The following ZNF283 variants were observed in gnomAD, a reference collection of about 807,000 sequenced individuals.
ZNF283 encodes the protein zinc finger protein 283.
ZNF283 carries 10 observed loss-of-function variants against 9.2 expected under a neutral mutation model. The observed-to-expected ratio is 1.09, with a 90% CI of 0.67 to 1.85. ZNF283 has a LOEUF of 1.85. Ranked by LOEUF, ZNF283 falls within the 40% of genes most tolerant of loss-of-function variation. The pLI, the probability that ZNF283 is intolerant of heterozygous loss-of-function variation, is 0.00. For missense variants in ZNF283, 631 were observed against 760.1 expected, an observed-to-expected ratio of 0.83 and a Z score of 2.00; for synonymous variants, 234 against 244.1, an observed-to-expected ratio of 0.96 and a Z score of 0.38.
chr19:43,836,944 G>C (rs543906771), intron 5 of ZNF283, 109 bp from the exon 6 acceptor site: 8 of 1,233,642 alleles, frequency 6.5e-6, no homozygotes, highest in Non-Finnish European at 9.2e-6. Context: ...CAGCCTACTC[G>C]ATTGTTATAT....
chr19:43,845,084 C>T (rs757921566), intron 6 of ZNF283, among the ~76,000 whole-genome samples: 1 of 152,128 alleles, frequency 6.6e-6, no homozygotes, highest in Non-Finnish European at 1.5e-5. Flanking sequence ...TACATCTTCT[C>T]CAACTTGACA....
intron 6 of ZNF283, among the ~76,000 whole-genome samples, chr19:43,843,218 G>A (rs1010514986): frequency 6.6e-6 from 1 of 152,198 alleles, no homozygotes; most frequent in African/African-American, 2.4e-5. Flanking sequence ...GCACGCGCCT[G>A]TAGTCCCAGC....
At chr19:43,846,037 C>G (rs349040) in intron 6 of ZNF283, among the ~76,000 whole-genome samples, 1 of 151,864 alleles carries the variant, frequency 6.6e-6, no homozygotes, top group Non-Finnish European at 1.5e-5. Context: ...AAAAATAACT[C>G]AAAATATTTG....
rs17712224 is a variant in ZNF283 at position 43,827,442 on chromosome 19, A to G, written c.-147A>G. On this transcript the variant is annotated splice_region_variant and 5_prime_UTR_variant, in exon 1 of 7. An upstream start codon of the reference 5' UTR is lost. Coordinates refer to ENST00000618787, the MANE Select transcript of ZNF283 (RefSeq NM_181845.2). ...TGTCCTTAAGGTTCTTGGACTCTGC[A>G]TGGTGAGTTGGTCGTGTCTGTAGAA... 2.0e-5 allele frequency: 3 copies of G among 151,326 alleles called. No homozygotes were observed. Among genetic ancestry groups the G allele is most frequent in the Non-Finnish European group, 2.9e-5 (2 of 67,890 alleles). 9.4% of individuals were successfully genotyped at this position (151,326 alleles called of 1,614,324 possible).
chr19:43,848,454 A>G lies in ZNF283; in HGVS notation c.1853A>G (p.Gln618Arg). The change falls in exon 7 of 7, where the codon CAG (glutamine) becomes CGG (arginine). Residue 618 changes from glutamine to arginine, a missense_variant. By Grantham distance (43) the Gln-to-Arg change is conservative. This residue lies in a region of ZNF283 where 444 missense variants were observed against 522.5 expected (regional missense o/e 0.85). Transcript: ENST00000618787. ...FGSGYQLSVH[Q>R]RFHTGEKLYQ... ...AGTGGCTATCAACTTAGTGTTCATC[A>G]GAGATTTCATACTGGTGAGAAGCTT... The G allele has an allele frequency of 6.2e-7, 1 of 1,613,894 alleles. No individual in the cohort carries two copies. Among genetic ancestry groups the G allele is most frequent in the Non-Finnish European group, 8.5e-7 (1 of 1,179,782 alleles).
chr19:43,846,183 A>G (rs930599010), intron 6 of ZNF283, among the ~76,000 whole-genome samples: 3 of 152,164 alleles, frequency 2.0e-5, no homozygotes, highest in African/African-American at 7.2e-5. Context: ...TAGCAATACA[A>G]TTACTGTTGA....
At chr19:43,829,313 C>A (rs556402074) in intron 2 of ZNF283, among the ~76,000 whole-genome samples, 2 of 151,912 alleles carry the variant, frequency 1.3e-5, no homozygotes, top group African/African-American at 2.4e-5. Context: ...TGAACCCGGG[C>A]GGTGGAGGTT....
intron 6 of ZNF283, among the ~76,000 whole-genome samples, chr19:43,838,545 C>T (rs1373760679): frequency 6.6e-6 from 1 of 152,232 alleles, no homozygotes; most frequent in East Asian, 1.9e-4. Flanking sequence ...GGCTGGATTG[C>T]TTGAACCTAA....
At chr19:43,829,980 G>A (rs948509923) in intron 2 of ZNF283, among the ~76,000 whole-genome samples, 3 of 151,924 alleles carry the variant, frequency 2.0e-5, no homozygotes, top group South Asian at 2.1e-4. Flanking sequence ...CCGAGATCGC[G>A]CCACTGCACT....
At chr19:43,834,231 A>AAAAGTAG (rs1359190092) in intron 4 of ZNF283, among the ~76,000 whole-genome samples, 1 of 152,210 alleles carries the variant, frequency 6.6e-6, no homozygotes, top group African/African-American at 2.4e-5. Flanking sequence ...TCAAGATAAG[A>AAAAGTAG]AAAGTAGAAT....
At position 43,847,759 on chromosome 19, in the gene ZNF283, G is replaced by C; in HGVS notation, c.1158G>C (p.Trp386Cys). ...ECKICGKAFC[W>C]GYQLTRHQIF... is the part of the protein sequence containing the mutation. ...AAATATGTGGAAAGGCTTTTTGTTG[G>C]GGCTATCAACTTACTCGACATCAGA... Residue 386 changes from tryptophan to cysteine, a missense_variant, in exon 7 of 7, where the codon TGG (tryptophan) becomes TGC (cysteine). By Grantham distance (215) the Trp-to-Cys change is radical. Around this residue, in one of 3 missense-constraint regions of ZNF283, gnomAD observed 444 missense variants for 522.5 expected, o/e 0.85. Transcript: ENST00000618787. The C allele has an allele frequency of 6.2e-7, 1 of 1,611,820 alleles. No individual in the cohort carries two copies.
intron 6 of ZNF283, among the ~76,000 whole-genome samples, chr19:43,845,937 G>A (rs1348401679): frequency 1.3e-5 from 2 of 152,084 alleles, no homozygotes; most frequent in Non-Finnish European, 2.9e-5. Flanking sequence ...AAGATGATGT[G>A]TGTATCACAT....
intron 6 of ZNF283, chr19:43,837,487 A>C (rs926484283): frequency 2.0e-5 from 8 of 394,686 alleles, no homozygotes; most frequent in Non-Finnish European, 1.3e-5. Flanking sequence ...CAGATTTCAT[A>C]AATTCTGCAA....
rs984641116 is a variant in ZNF283 at position 43,848,747 on chromosome 19, A to G, written c.*106A>G. 1 of 1,169,528 alleles carries G rather than the reference A, an allele frequency of 8.6e-7. No individual in the cohort carries two copies. Among genetic ancestry groups the G allele is most frequent in the East Asian group, 2.4e-5 (1 of 41,448 alleles). 72.4% of individuals were successfully genotyped at this position (1,169,528 alleles called of 1,614,324 possible). A position where few individuals can be genotyped will look rare whatever the true frequency, so the allele number is the denominator to read the frequency against. On this transcript the variant is annotated 3_prime_UTR_variant, in exon 7 of 7. Transcript: ENST00000618787. ...TGAATGTAAGGGTTGTGCAAAAGCCATTCATTTCTGTTTATGGGCAATTAT... is the reference window on the plus strand; with the variant it reads ...TGAATGTAAGGGTTGTGCAAAAGCCGTTCATTTCTGTTTATGGGCAATTAT...
rs1031050829 is a variant in ZNF283 at position 43,848,172 on chromosome 19, T to C, written c.1571T>C (p.Phe524Ser). ...PYECKECGKA[F>S]NCGSSLVQHE... ...GAATGTAAGGAATGTGGGAAGGCTT[T>C]TAATTGTGGATCAAGCCTTGTTCAA... The change falls in exon 7 of 7, where the codon TTT (phenylalanine) becomes TCT (serine). Residue 524 changes from phenylalanine (F) to serine (S), a missense_variant. Around this residue, in one of 3 missense-constraint regions of ZNF283, gnomAD observed 444 missense variants for 522.5 expected, o/e 0.85. Coordinates refer to ENST00000618787, the MANE Select transcript of ZNF283 (RefSeq NM_181845.2). 2 of 1,613,872 alleles carry C rather than the reference T, an allele frequency of 1.2e-6. No individual in the cohort carries two copies. The highest frequency in any genetic ancestry group is 1.7e-6 in the Non-Finnish European group (2 of 1,179,962).
rs61745999 is a variant in ZNF283 at position 43,847,663 on chromosome 19, G to T, written c.1062G>T (p.Lys354Asn). 167 of 1,613,710 alleles carry T rather than the reference G, an allele frequency of 1.0e-4. No homozygotes were observed. The African/African-American group carries it at 1.8e-3, about 17-fold the overall frequency. ...EKPYKCKECG[K>N]AFSRGYQLTQ... ...CTTATAAATGTAAAGAATGTGGGAA[G>T]GCCTTCAGTCGTGGCTATCAGCTTA... is the stretch of plus-strand genomic sequence containing the variant. The change falls in exon 7 of 7, where the codon AAG becomes AAT. Residue 354 changes from lysine (K) to asparagine (N), a missense_variant. By Grantham distance (94) the Lys-to-Asn change is moderately conservative. Coordinates refer to ENST00000618787, the MANE Select transcript of ZNF283 (RefSeq NM_181845.2).
At position 43,847,249 on chromosome 19, in the gene ZNF283, C is replaced by A; in HGVS notation, c.648C>A (p.Cys216Ter). 6.2e-7 allele frequency: 1 copy of A among 1,607,502 alleles called. No homozygotes were observed. Among genetic ancestry groups the A allele is most frequent in the Non-Finnish European group, 8.5e-7 (1 of 1,177,246 alleles). Residue 216 changes from cysteine to a stop codon, truncating the protein, a stop_gained, in exon 7 of 7, where the codon TGC becomes TGA. Transcript: ENST00000618787. LOFTEE classifies it low-confidence loss of function (END_TRUNC). ...TTTGTAAGGAATGTGGGAAGGCTTG[C>A]AGTCATGGCTCAAAACTTGTTCAAC... Reference protein sequence around the residue: ...SYVCKECGKACSHGSKLVQHE... With the variant: ...SYVCKECGKA
At position 43,847,014 on chromosome 19, in the gene ZNF283, G is replaced by A; in HGVS notation, c.413G>A (p.Trp138Ter). The A allele has an allele frequency of 6.2e-7, 1 of 1,603,090 alleles. No homozygotes were observed. The highest frequency in any genetic ancestry group is 1.1e-5 in the South Asian group (1 of 88,888). ...ATTTTTGAAATAAATTTTTCCCAGT[G>A]GGAGATGAAGGACAAAAGTAAAACC... ...NDIFEINFSQWEMKDKSKTLG... is the reference protein window; with the variant it reads ...NDIFEINFSQ Residue 138 changes from tryptophan (W) to a stop codon, truncating the protein, a stop_gained, in exon 7 of 7, where the codon TGG (tryptophan) becomes TAG (stop). Coordinates refer to ENST00000618787, the MANE Select transcript of ZNF283 (RefSeq NM_181845.2). LOFTEE classifies it low-confidence loss of function (END_TRUNC).
intron 6 of ZNF283, among the ~76,000 whole-genome samples, chr19:43,842,164 C>G (rs1028777177): frequency 6.6e-6 from 1 of 152,106 alleles, no homozygotes; most frequent in Admixed American, 6.5e-5. Context: ...AGGTGCAACC[C>G]CCAGTCTTTT....
Sources: gnomAD v4.1 joint callset for allele counts (sites outside exome capture counted in the v4.1 genomes callset) on GRCh38, gnomAD v4.1.1 for gene constraint, gnomAD v4.1.1 regional missense constraint, MANE v1.5 for transcripts, NCBI Gene and HGNC (gene_info 2026-07-23, HGNC 2026-07-21) for gene names.